The following NCOR1 variants were observed in gnomAD, a reference collection of about 807,000 sequenced individuals.
The protein encoded by NCOR1 is protein phosphatase 1, regulatory subunit 109.
NCOR1 carries 63 observed loss-of-function variants against 288.1 expected under a neutral mutation model. The observed-to-expected ratio is 0.22, with a 90% CI of 0.18 to 0.27. NCOR1 has a LOEUF of 0.27. Ranked by LOEUF, NCOR1 falls within the 10% of genes least tolerant of loss-of-function variation. The pLI, the probability that NCOR1 is intolerant of heterozygous loss-of-function variation, is 1.00. For synonymous variants in NCOR1, 1,007 were observed against 1,065.9 expected, an observed-to-expected ratio of 0.94 and a Z score of 1.08; for missense variants, 2,397 against 3,019.2, an observed-to-expected ratio of 0.79 and a Z score of 4.83.
chr17:16,160,581 A>T (rs1568396616), intron 5 of NCOR1, among the ~76,000 whole-genome samples: 1 of 152,224 alleles, frequency 6.6e-6, no homozygotes, highest in Non-Finnish European at 1.5e-5. Context: ...ACTTGAGCCC[A>T]GGAGTTCAAG....
At chr17:16,085,113 G>C (rs180740866) in intron 23 of NCOR1, among the ~76,000 whole-genome samples, 1 of 152,284 alleles carries the variant, frequency 6.6e-6, no homozygotes, top group Non-Finnish European at 1.5e-5. Flanking sequence ...AGTAGAAACA[G>C]ATAATCAGAC....
chr17:16,068,370 C>T (rs926943472), intron 31 of NCOR1: 64 of 428,832 alleles, frequency 1.5e-4, no homozygotes, highest in African/African-American at 1.1e-3. Context: ...TATTTTACCA[C>T]CTTATGTAAC....
chr17:16,092,685 ATATATATATATTTTTTTT>A (rs1467634696), intron 21 of NCOR1, among the ~76,000 whole-genome samples: 16 of 13,836 alleles, frequency 1.2e-3, no homozygotes, highest in African/African-American at 2.6e-3. Context: ...ATATATATAT[ATATATATATATTTTTTTT>A]TTTTTTTTTT....
chr17:16,164,869 A>G (rs1465711737), intron 5 of NCOR1, 110 bp downstream of exon 5: 2 of 738,332 alleles, frequency 2.7e-6, no homozygotes, highest in Admixed American at 3.3e-5. Context: ...GTCCGAATAT[A>G]TAAGGCATGA....
chr17:16,045,279 G>A (rs1307350581), intron 42 of NCOR1, among the ~76,000 whole-genome samples: 1 of 152,108 alleles, frequency 6.6e-6, no homozygotes, highest in African/African-American at 2.4e-5. Flanking sequence ...CTCTGGAGTT[G>A]GAATGCCTGG....
At chr17:16,101,922 G>T in intron 19 of NCOR1, 165 bp from the exon 20 acceptor site, 2 of 867,790 alleles carry the variant, frequency 2.3e-6, no homozygotes, top group Non-Finnish European at 3.5e-6. Context: ...TGACCTCATT[G>T]AAGTATTTAC....
intron 41 of NCOR1, among the ~76,000 whole-genome samples, chr17:16,047,333 G>A (rs979258851): frequency 6.6e-6 from 1 of 152,146 alleles, no homozygotes; most frequent in Non-Finnish European, 1.5e-5. Flanking sequence ...AGATAATCTA[G>A]AGCAGAAATT....
chr17:16,080,370 A>G, intron 25 of NCOR1, 38 bp downstream of exon 25: 1 of 1,509,700 alleles, frequency 6.6e-7, no homozygotes, highest in Non-Finnish European at 9.1e-7. Context: ...TTTATTGGGG[A>G]CAAAAGTTTA....
chr17:16,125,651 G>A (rs560063261), intron 15 of NCOR1, among the ~76,000 whole-genome samples: 3 of 133,806 alleles, frequency 2.2e-5, no homozygotes, highest in Non-Finnish European at 4.7e-5. Context: ...GCAGTGAGCC[G>A]AGATCATGCC....
At chr17:16,091,838 C>T in intron 22 of NCOR1, 25 bp downstream of exon 22, 3 of 1,613,500 alleles carry the variant, frequency 1.9e-6, no homozygotes, top group Non-Finnish European at 2.5e-6. Context: ...TAAAAGTTCT[C>T]TTGGTGATAG....
At chr17:16,147,057 T>C (rs559565563) in intron 9 of NCOR1, among the ~76,000 whole-genome samples, 2 of 152,336 alleles carry the variant, frequency 1.3e-5, no homozygotes, top group East Asian at 1.9e-4. Flanking sequence ...AATAATGCTA[T>C]ATAACAAACA....
chr17:16,044,972 A>T (rs2058414509), intron 42 of NCOR1: 1 of 545,440 alleles, frequency 1.8e-6, no homozygotes, highest in African/African-American at 1.9e-5. Context: ...ATTTCTTATA[A>T]CGTGTTCAAT....
In NCOR1 at chr17:16,127,717, A is replaced by G. The variant is rs140898208; in HGVS notation, c.1510-1511T>C. 8.5e-3 allele frequency among the ~76,000 whole-genome samples: 1,166 copies of G among 136,706 alleles called. 45 individuals are homozygous for G. The highest frequency in any genetic ancestry group is 0.029 in the African/African-American group (1,082 of 37,168). The allele number at this position is 136,706 out of a possible 152,430, so 89.7% of individuals were successfully genotyped here. ...CATATATGTATATATGTGTGTGTAT[A>G]TATACATATATGTGTATATATGTGT... On this transcript the variant is annotated intron_variant, in intron 14 of 45. Coordinates refer to ENST00000268712, the MANE Select transcript of NCOR1 (RefSeq NM_006311.4).
chr17:16,059,305 CATG>C (rs776773428), intron 37 of NCOR1, among the ~76,000 whole-genome samples: 2 of 152,100 alleles, frequency 1.3e-5, no homozygotes, highest in Admixed American at 1.3e-4. Context: ...CATTCACCAC[CATG>C]ATGATTTTAA....
chr17:16,146,636 A>C, intron 9 of NCOR1, 88 bp from the exon 10 acceptor site: 4 of 1,213,716 alleles, frequency 3.3e-6, no homozygotes, highest in Non-Finnish European at 3.3e-6. Flanking sequence ...GCTACTTCTT[A>C]AGGTTAAGTC....
At chr17:16,042,130 A>C (rs913369187) in intron 42 of NCOR1, among the ~76,000 whole-genome samples, 1 of 143,980 alleles carries the variant, frequency 6.9e-6, no homozygotes, top group African/African-American at 2.7e-5. Context: ...CTAGAAACAA[A>C]CTTGGTTGAT....
rs1022016057 is a variant in NCOR1, at chr17:16,073,711, T to C, written c.3671-142A>G. On this transcript the variant is annotated intron_variant, in intron 27 of 45. Transcript: ENST00000268712. ...CCTACAATAAAATATGTGTAGATGA[T>C]TCATGAAAATATTTTCACTCATTCA... 24 of 669,764 alleles carry C rather than the reference T, an allele frequency of 3.6e-5. No individual in the cohort carries two copies. The Admixed American group carries it at 7.6e-4, about 21-fold the overall frequency. The allele number at this position is 669,764 out of a possible 1,614,324, so 41.5% of individuals were successfully genotyped here.
chr17:16,198,371 A>C lies in NCOR1; in HGVS notation c.-70-3732T>G, dbSNP rs1213455508. ...AGACTCCGTCTCAAAAAAAAAAAAA[A>C]AAAAAAACATCTTGGCAATTATTCT... On this transcript the variant is annotated intron_variant, in intron 1 of 45. Coordinates refer to ENST00000268712, the MANE Select transcript of NCOR1 (RefSeq NM_006311.4). 4 of 152,454 alleles carry C rather than the reference A, an allele frequency of 2.6e-5. No homozygotes were observed. The East Asian group carries it at 5.8e-4, about 22-fold the overall frequency. 9.4% of individuals were successfully genotyped at this position (152,454 alleles called of 1,614,324 possible). A position where few individuals can be genotyped will look rare whatever the true frequency, so the allele number is the denominator to read the frequency against.
intron 2 of NCOR1, among the ~76,000 whole-genome samples, chr17:16,190,388 G>A (rs2087903392): frequency 6.6e-6 from 1 of 151,794 alleles, no homozygotes; most frequent in Non-Finnish European, 1.5e-5. Context: ...AGGCTGGAGT[G>A]CAGCGGCACG....
Sources: gnomAD v4.1 joint callset for allele counts (sites outside exome capture counted in the v4.1 genomes callset) on GRCh38, gnomAD v4.1.1 for gene constraint, MANE v1.5 for transcripts, NCBI Gene and HGNC (gene_info 2026-07-23, HGNC 2026-07-21) for gene names.